CPXM2: variants seen among roughly 807,000 people sequenced by gnomAD.
CPXM2 encodes the protein carboxypeptidase X, M14 family member 2, also known as inactive carboxypeptidase-like protein X2.
In CPXM2, 66 loss-of-function variants were observed where a neutral mutation model predicts 86.1. The observed-to-expected ratio is 0.77, with a 90% CI of 0.63 to 0.94. The LOEUF is 0.94. CPXM2 is among the 40% of genes least tolerant of loss of function. The pLI, the probability that CPXM2 is intolerant of heterozygous loss-of-function variation, is 0.00. For synonymous variants in CPXM2, 388 were observed against 400.2 expected, an observed-to-expected ratio of 0.97 and a Z score of 0.36; for missense variants, 948 against 1,026.3, an observed-to-expected ratio of 0.92 and a Z score of 1.04.
intron 4 of CPXM2, among the ~76,000 whole-genome samples, chr10:123,822,323 C>T (rs1484981601): frequency 6.6e-6 from 1 of 152,206 alleles, no homozygotes; most frequent in Non-Finnish European, 1.5e-5. Context: ...TTTCTCTTCA[C>T]CCTTGCACCA....
At position 123,801,355 on chromosome 10, in the gene CPXM2, T is replaced by C. The variant is rs181968940; in HGVS notation, c.654-2156A>G. On this transcript the variant is annotated intron_variant, in intron 4 of 13. Transcript: ENST00000241305. The stretch of plus-strand genomic sequence containing the variant: ...CGTGATTGTGAGGCCTCCCCAGCCA[T>C]GTGGAACTGTGAGTCCATTAAATCT... Among the ~76,000 whole-genome samples the C allele has an allele frequency of 4.1e-3, 631 of 152,322 alleles. 4 individuals carry two copies. The highest frequency in any genetic ancestry group is 0.013 in the African/African-American group (556 of 41,574).
intron 13 of CPXM2, chr10:123,751,623 A>G: frequency 1.3e-5 from 13 of 985,408 alleles, no homozygotes; most frequent in Non-Finnish European, 1.6e-5. Flanking sequence ...ACTGATATGC[A>G]TCTAACTCAA....
intron 2 of CPXM2, among the ~76,000 whole-genome samples, chr10:123,931,985 T>G (rs1336710687): frequency 6.6e-6 from 1 of 152,176 alleles, no homozygotes; most frequent in African/African-American, 2.4e-5. Flanking sequence ...AGTCAGGTCT[T>G]AAGTCAGTAT....
chr10:123,762,971 T>C (rs1022462970), intron 10 of CPXM2, among the ~76,000 whole-genome samples: 11 of 152,130 alleles, frequency 7.2e-5, no homozygotes, highest in Admixed American at 5.9e-4. Context: ...TCAGGGGCCC[T>C]GGATTGGACC....
chr10:123,764,087 T>C (rs1846413711), intron 10 of CPXM2, among the ~76,000 whole-genome samples: 1 of 152,234 alleles, frequency 6.6e-6, no homozygotes, highest in Admixed American at 6.5e-5. Flanking sequence ...TTAACTCTGT[T>C]TCCTCCTCTC....
chr10:123,821,801 A>T (rs1198180805), intron 4 of CPXM2, among the ~76,000 whole-genome samples: 1 of 152,238 alleles, frequency 6.6e-6, no homozygotes, highest in Non-Finnish European at 1.5e-5. Flanking sequence ...GCAAAGAATT[A>T]TCTGTCCCAT....
rs189238150 is a variant in CPXM2, at chr10:123,827,480, C to T, written c.653+14869G>A. On this transcript the variant is annotated intron_variant, in intron 4 of 13. Transcript: ENST00000241305. ...TGCTCAAAAAGACAAAATACTTAGA[C>T]GTAAACCTAACAAAAGGTTTACAAA... 5.6e-4 allele frequency among the ~76,000 whole-genome samples: 85 copies of T among 152,158 alleles called. 1 individual carries two copies. The highest frequency in any genetic ancestry group is 2.7e-3 in the Admixed American group (41 of 15,286).
chr10:123,814,204 A>C (rs1440130766), intron 4 of CPXM2, among the ~76,000 whole-genome samples: 2 of 152,226 alleles, frequency 1.3e-5, no homozygotes, highest in Non-Finnish European at 2.9e-5. Flanking sequence ...AAGGAGATTA[A>C]CATCTGAGTC....
intron 2 of CPXM2, among the ~76,000 whole-genome samples, chr10:123,898,316 C>T (rs1945354293): frequency 6.6e-6 from 1 of 152,130 alleles, no homozygotes; most frequent in Admixed American, 6.5e-5. Context: ...AAGCCAGGCG[C>T]AATGGCACAC....
At chr10:123,910,839 TC>T (rs1945481824) in intron 2 of CPXM2, among the ~76,000 whole-genome samples, 1 of 147,392 alleles carries the variant, frequency 6.8e-6, no homozygotes, top group Non-Finnish European at 1.5e-5. Context: ...CCACCAGCTC[TC>T]GGGGAGGATC....
chr10:123,768,749 AG>A, intron 8 of CPXM2, 27 bp from the exon 9 acceptor site: 3 of 1,597,708 alleles, frequency 1.9e-6, no homozygotes, highest in Non-Finnish European at 1.7e-6. Flanking sequence ...AGAGAAGCAC[AG>A]GTTCACGTTG....
At chr10:123,937,698 G>C (rs1025883842) in intron 2 of CPXM2, among the ~76,000 whole-genome samples, 1 of 152,112 alleles carries the variant, frequency 6.6e-6, no homozygotes, top group African/African-American at 2.4e-5. Context: ...CTGACTGCTT[G>C]TCTGAGAAGG....
intron 5 of CPXM2, among the ~76,000 whole-genome samples, chr10:123,798,604 G>A (rs888313174): frequency 3.9e-5 from 6 of 152,184 alleles, no homozygotes; most frequent in Admixed American, 2.0e-4. Flanking sequence ...CTGTGTGTAG[G>A]GGGTAAGAAT....
At chr10:123,855,813 T>G (rs1848711066) in intron 3 of CPXM2, among the ~76,000 whole-genome samples, 1 of 152,156 alleles carries the variant, frequency 6.6e-6, no homozygotes, top group South Asian at 2.1e-4. Flanking sequence ...CCATATAATT[T>G]TTTTAAGGAA....
chr10:123,817,715 G>GC (rs1298247791), intron 4 of CPXM2, among the ~76,000 whole-genome samples: 1 of 152,196 alleles, frequency 6.6e-6, no homozygotes, highest in Non-Finnish European at 1.5e-5. Flanking sequence ...CCCCCAGACT[G>GC]CATCGATAGC....
intron 2 of CPXM2, among the ~76,000 whole-genome samples, chr10:123,902,422 T>C (rs1428202922): frequency 6.6e-6 from 1 of 152,244 alleles, no homozygotes; most frequent in Non-Finnish European, 1.5e-5. Context: ...ATAATGCATG[T>C]AACAGCTTAG....
At chr10:123,839,057 G>T (rs1848332240) in intron 4 of CPXM2, among the ~76,000 whole-genome samples, 2 of 152,200 alleles carry the variant, frequency 1.3e-5, no homozygotes, top group Admixed American at 1.3e-4. Flanking sequence ...AATAAAGCTT[G>T]AAAACCACAG....
chr10:123,855,709 C>T (rs922847379), intron 3 of CPXM2, among the ~76,000 whole-genome samples: 1 of 152,216 alleles, frequency 6.6e-6, no homozygotes, highest in African/African-American at 2.4e-5. Context: ...AATGAAGCCA[C>T]AGGCAGCAGC....
intron 4 of CPXM2, among the ~76,000 whole-genome samples, chr10:123,807,455 A>G (rs912451000): frequency 6.6e-6 from 1 of 152,180 alleles, no homozygotes; most frequent in African/African-American, 2.4e-5. Flanking sequence ...GCATTATGAG[A>G]TGTGTGGTTA....
Sources: gnomAD v4.1 joint callset for allele counts (sites outside exome capture counted in the v4.1 genomes callset) on GRCh38, gnomAD v4.1.1 for gene constraint, MANE v1.5 for transcripts, NCBI Gene and HGNC (gene_info 2026-07-23, HGNC 2026-07-21) for gene names.